The following MNAT1 variants were observed in gnomAD, a reference collection of about 807,000 sequenced individuals.
MNAT1 encodes the protein CDK-activating kinase assembly factor MAT1.
Under a neutral mutation model 42.0 loss-of-function variants are expected in MNAT1, and 43 were observed. The observed-to-expected ratio is 1.02, with a 90% CI of 0.80 to 1.32. The LOEUF (loss-of-function observed/expected upper bound fraction) is 1.32, where lower values mean the gene tolerates loss of function less well. Among genes scored for constraint, MNAT1 ranks in the 40% most tolerant of loss-of-function variants. MNAT1 has a pLI of 0.00. For missense variants in MNAT1, 306 were observed against 350.4 expected, an observed-to-expected ratio of 0.87 and a Z score of 1.01; for synonymous variants, 118 against 120.0, an observed-to-expected ratio of 0.98 and a Z score of 0.11.
chr14:60,849,639 CT>C lies in MNAT1; in HGVS notation c.688-30067del, dbSNP rs558916490. 3.9e-5 allele frequency among the ~76,000 whole-genome samples: 6 copies of C among 151,954 alleles called. 1 individual carries two copies. The highest frequency in any genetic ancestry group is 3.9e-4 in the East Asian group (2 of 5,170). ...CACTGTGGATATTATTAATTCCCTTCTTTTTTTTACAGATATGATCACTAAG... is the reference window on the plus strand; with the variant it reads ...CACTGTGGATATTATTAATTCCCTTCTTTTTTTACAGATATGATCACTAAG... On this transcript the variant is annotated intron_variant, in intron 6 of 7. Transcript: ENST00000261245.
At chr14:60,765,112 C>T (rs929789062) in intron 1 of MNAT1, among the ~76,000 whole-genome samples, 3 of 152,150 alleles carry the variant, frequency 2.0e-5, no homozygotes, top group African/African-American at 7.2e-5. Flanking sequence ...ATTAGCTGGG[C>T]TTGCGGCGCA....
intron 1 of MNAT1, among the ~76,000 whole-genome samples, chr14:60,795,865 A>G (rs1356252400): frequency 2.0e-5 from 3 of 152,176 alleles, no homozygotes; most frequent in African/African-American, 7.2e-5. Flanking sequence ...TCTCTTGCCC[A>G]GGTCTATGGA....
chr14:60,736,151 TA>T (rs1896301983), intron 1 of MNAT1, among the ~76,000 whole-genome samples: 1 of 152,204 alleles, frequency 6.6e-6, no homozygotes, highest in Non-Finnish European at 1.5e-5. Context: ...AGAAGTAAGG[TA>T]AAAGTAATCA....
intron 7 of MNAT1, among the ~76,000 whole-genome samples, chr14:60,940,532 C>G (rs576211185): frequency 4.1e-4 from 63 of 152,316 alleles, no homozygotes; most frequent in Admixed American, 5.2e-4. Context: ...ATTCTTCTGC[C>G]TCAGCCTCCC....
intron 1 of MNAT1, among the ~76,000 whole-genome samples, chr14:60,775,600 C>T (rs1594744481): frequency 6.6e-6 from 1 of 152,018 alleles, no homozygotes; most frequent in African/African-American, 2.4e-5. Context: ...AAGTAAAATA[C>T]TTGAGTAGGG....
At chr14:60,862,798 T>C (rs940067093) in intron 6 of MNAT1, among the ~76,000 whole-genome samples, 4 of 152,216 alleles carry the variant, frequency 2.6e-5, no homozygotes, top group African/African-American at 9.6e-5. Flanking sequence ...TGTGCTAGTA[T>C]AGTTTTAAGG....
At chr14:60,758,856 T>A (rs1413751800) in intron 1 of MNAT1, among the ~76,000 whole-genome samples, 3 of 152,198 alleles carry the variant, frequency 2.0e-5, no homozygotes, top group East Asian at 1.9e-4. Context: ...TTTAATTTTT[T>A]AATATTTTCT....
At chr14:60,892,531 A>G (rs1447151541) in intron 7 of MNAT1, among the ~76,000 whole-genome samples, 1 of 151,958 alleles carries the variant, frequency 6.6e-6, no homozygotes, top group Admixed American at 6.6e-5. Flanking sequence ...TCATGGTTTT[A>G]TTTATTTTTT....
intron 1 of MNAT1, among the ~76,000 whole-genome samples, chr14:60,752,183 A>C (rs920089104): frequency 1.3e-5 from 2 of 152,068 alleles, no homozygotes; most frequent in African/African-American, 4.8e-5. Context: ...CTTGCTACTG[A>C]TCTAGAATGG....
intron 6 of MNAT1, among the ~76,000 whole-genome samples, chr14:60,832,021 G>A (rs919204671): frequency 5.3e-5 from 8 of 152,084 alleles, no homozygotes; most frequent in Non-Finnish European, 8.8e-5. Flanking sequence ...TTTTTGATGG[G>A]ATTGTTTGTT....
intron 7 of MNAT1, among the ~76,000 whole-genome samples, chr14:60,945,621 A>G (rs902322103): frequency 6.6e-6 from 1 of 152,166 alleles, no homozygotes; most frequent in Non-Finnish European, 1.5e-5. Flanking sequence ...TGTTTTAATT[A>G]TATTAAATAC....
chr14:60,737,430 T>C (rs1160974166), intron 1 of MNAT1, among the ~76,000 whole-genome samples: 2 of 152,154 alleles, frequency 1.3e-5, no homozygotes, highest in African/African-American at 2.4e-5. Context: ...CTTTTTTCAT[T>C]ATGTATATTG....
chr14:60,820,349 G>A (rs760108762), intron 6 of MNAT1, among the ~76,000 whole-genome samples: 34 of 151,926 alleles, frequency 2.2e-4, no homozygotes, highest in African/African-American at 6.5e-4. Flanking sequence ...GCAAAGGACC[G>A]TTTCTTTCCT....
intron 1 of MNAT1, among the ~76,000 whole-genome samples, chr14:60,755,296 A>G (rs1220892725): frequency 6.6e-6 from 1 of 152,098 alleles, no homozygotes. Context: ...GGCACGTGCC[A>G]CCACACCTGG....
intron 7 of MNAT1, among the ~76,000 whole-genome samples, chr14:60,901,568 A>C (rs1046213003): frequency 6.6e-6 from 1 of 152,246 alleles, no homozygotes; most frequent in East Asian, 1.9e-4. Flanking sequence ...TCATTACTCT[A>C]GAAGCCATTA....
At chr14:60,858,393 T>A (rs957565588) in intron 6 of MNAT1, among the ~76,000 whole-genome samples, 20 of 152,020 alleles carry the variant, frequency 1.3e-4, no homozygotes, top group African/African-American at 4.6e-4. Flanking sequence ...GTGTCTGTTC[T>A]TATCCTTTGC....
chr14:60,961,040 G>A (rs1043819744), intron 7 of MNAT1, among the ~76,000 whole-genome samples: 3 of 151,974 alleles, frequency 2.0e-5, no homozygotes, highest in African/African-American at 4.8e-5. Context: ...TCAGCTCACC[G>A]CAACCTCTAC....
intron 1 of MNAT1, among the ~76,000 whole-genome samples, chr14:60,765,045 G>A (rs1160624371): frequency 6.6e-6 from 1 of 152,196 alleles, no homozygotes; most frequent in African/African-American, 2.4e-5. Context: ...GAGGTCAGGA[G>A]TTCGAGACCA....
intron 7 of MNAT1, among the ~76,000 whole-genome samples, chr14:60,952,311 G>A (rs1407244192): frequency 2.0e-5 from 3 of 152,172 alleles, no homozygotes; most frequent in African/African-American, 7.2e-5. Flanking sequence ...CATATAGCAG[G>A]AATCCAATGA....
Sources: gnomAD v4.1 joint callset for allele counts (sites outside exome capture counted in the v4.1 genomes callset) on GRCh38, gnomAD v4.1.1 for gene constraint, MANE v1.5 for transcripts, NCBI Gene and HGNC (gene_info 2026-07-23, HGNC 2026-07-21) for gene names.